The following HIP1R variants were observed in gnomAD, a reference collection of about 807,000 sequenced individuals.
HIP1R encodes huntingtin-interacting protein 1-related protein.
Under a neutral mutation model 144.2 loss-of-function variants are expected in HIP1R, and 135 were observed. The ratio of observed to expected loss-of-function variants is 0.94; its 90% CI spans 0.81 to 1.08. The LOEUF is 1.08. Among genes scored for constraint, HIP1R ranks in the 50% least tolerant of loss-of-function variants. HIP1R has a pLI of 0.00. For synonymous variants in HIP1R, 698 were observed against 612.8 expected (o/e 1.14, Z -2.05); for missense variants, 1,462 against 1,432.8 (o/e 1.02, Z -0.33).
In HIP1R at chr12:122,850,922, C is replaced by T. The variant is rs2033373933; in HGVS notation, c.515+11C>T. On this transcript the variant is annotated intron_variant, in intron 6 of 31. Transcript: ENST00000253083. ...CGATGTCAACAACATGTGAGTCACT[C>T]TGCATGGCTACATAGCCAGTTCCCC... 6.2e-7 allele frequency: 1 copy of T among 1,606,340 alleles called. No homozygotes were observed. The highest frequency in any genetic ancestry group is 8.5e-7 in the Non-Finnish European group (1 of 1,175,676).
intron 7 of HIP1R, chr12:122,853,666 T>G: frequency 5.6e-6 from 1 of 179,546 alleles, no homozygotes; most frequent in Non-Finnish European, 1.2e-5. Flanking sequence ...AGTTAGGCAT[T>G]TGGGGTGCTC....
chr12:122,835,052 T>C, upstream of HIP1R: 1 of 1,235,902 alleles, frequency 8.1e-7, no homozygotes, highest in Non-Finnish European at 1.1e-6. Context: ...CTGGGGTCCC[T>C]ACCCTGGGTG....
At chr12:122,851,579 A>ATTCCCAGCTAC (rs1387600953) in intron 7 of HIP1R, among the ~76,000 whole-genome samples, 1 of 152,036 alleles carries the variant, frequency 6.6e-6, no homozygotes, top group Non-Finnish European at 1.5e-5. Flanking sequence ...GCACGCCTGT[A>ATTCCCAGCTAC]TTCCCAGCTA....
At chr12:122,860,605 T>G in intron 27 of HIP1R, 74 bp from the exon 28 acceptor site, 2 of 1,532,408 alleles carry the variant, frequency 1.3e-6, no homozygotes, top group Non-Finnish European at 1.8e-6. Context: ...GTGCAGGGAG[T>G]AGAGGGGGTG....
intron 1 of HIP1R, among the ~76,000 whole-genome samples, chr12:122,846,100 G>A (rs1466482237): frequency 6.6e-6 from 1 of 152,190 alleles, no homozygotes; most frequent in Admixed American, 6.5e-5. Context: ...TGGGGATGGG[G>A]TTACACACCC....
chr12:122,838,401 A>G (rs1939403873), intron 1 of HIP1R, among the ~76,000 whole-genome samples: 1 of 152,190 alleles, frequency 6.6e-6, no homozygotes, highest in African/African-American at 2.4e-5. Context: ...ACAGAATACT[A>G]CAAAATACAG....
chr12:122,855,927 G>GCCAGGGCCCCTCACGGC, intron 13 of HIP1R, 24 bp downstream of exon 13: 1 of 1,565,134 alleles, frequency 6.4e-7, no homozygotes. Context: ...ATGGGTGGGG[G>GCCAGGGCCCCTCACGGC]CCAGGGCCCC....
At chr12:122,857,776 G>C (rs774613426) in intron 18 of HIP1R, 1 of 324,566 alleles carries the variant, frequency 3.1e-6, no homozygotes, top group Non-Finnish European at 5.6e-6. Context: ...AGCCATCCTA[G>C]TGGGTGTGGA....
intron 22 of HIP1R, 41 bp downstream of exon 22, chr12:122,859,238 G>GCCTCTGACCTCTGCACCCA (rs2033688626): frequency 6.5e-7 from 1 of 1,550,318 alleles, no homozygotes; most frequent in Non-Finnish European, 8.7e-7. Context: ...GCTTGGGCCT[G>GCCTCTGACCTCTGCACCCA]CCTCTGACCT....
intron 23 of HIP1R, 83 bp from the exon 24 acceptor site, chr12:122,859,689 G>A: frequency 6.6e-7 from 1 of 1,507,974 alleles, no homozygotes; most frequent in Non-Finnish European, 9.2e-7. Context: ...GGTCAGAGCT[G>A]AGAGGGCAGG....
Position 122,856,514 on chromosome 12 carries a change from A to C in HIP1R, c.1484A>C (p.Gln495Pro). 1 of 1,597,268 alleles carries C rather than the reference A, an allele frequency of 6.3e-7. No individual in the cohort carries two copies. Among genetic ancestry groups the C allele is most frequent in the Non-Finnish European group, 8.5e-7 (1 of 1,171,526 alleles). Residue 495 changes from glutamine to proline, a missense_variant, in exon 16 of 32, where the codon CAG (glutamine) becomes CCG (proline). By Grantham distance (76) the Gln-to-Pro change is moderately conservative. Transcript: ENST00000253083. ...CGGGTGAAGGAGCAGCTGGCCTTCC[A>C]GGTGGAGCAGGTGAAGCGGGAGTCG... ...VARVKEQLAF[Q>P]VEQVKRESEL...
At chr12:122,857,861 C>A in intron 18 of HIP1R, 1 of 413,456 alleles carries the variant, frequency 2.4e-6, no homozygotes, top group South Asian at 8.6e-5. Flanking sequence ...AGCTACCTGG[C>A]CATTTGTGTA....
At position 122,859,532 on chromosome 12, in the gene HIP1R, T is replaced by C. The variant is rs778366028; in HGVS notation, c.2402T>C (p.Ile801Thr). The C allele has an allele frequency of 6.2e-6, 10 of 1,610,338 alleles. No homozygotes were observed. The highest frequency in any genetic ancestry group is 3.3e-5 in the South Asian group (3 of 91,008). Residue 801 changes from isoleucine to threonine, a missense_variant, in exon 23 of 32, where the codon ATT becomes ACT. Ile to Thr is a moderately conservative substitution (Grantham distance 89). Coordinates refer to ENST00000253083, the MANE Select transcript of HIP1R (RefSeq NM_003959.3). ...GCCATTGAAGATGCTGTGCGGAGGA[T>C]TGAGGTGAGCACGGGATCTGGGGAC... ...SAAIEDAVRR[I>T]EDMMNQARHA... is the part of the protein sequence containing the mutation.
Position 122,848,794 on chromosome 12 carries a change from A to T in HIP1R, c.301-2A>T. 1 of 1,613,226 alleles carries T rather than the reference A, an allele frequency of 6.2e-7. No individual in the cohort carries two copies. Among genetic ancestry groups the T allele is most frequent in the Non-Finnish European group, 8.5e-7 (1 of 1,179,964 alleles). ...CCCACTCCCGTATTCCCTGCGCTGCAGGTGCTGCATGACTGCCAGCGGTAC... is the reference window on the plus strand; with the variant it reads ...CCCACTCCCGTATTCCCTGCGCTGCTGGTGCTGCATGACTGCCAGCGGTAC... On this transcript the variant is annotated splice_acceptor_variant, in intron 3 of 31. Transcript: ENST00000253083. LOFTEE classifies it high-confidence loss of function.
intron 24 of HIP1R, 107 bp downstream of exon 24, chr12:122,859,937 G>C (rs1593890880): frequency 6.8e-7 from 1 of 1,463,478 alleles, no homozygotes. Flanking sequence ...GCCTGGCTCA[G>C]AGCAGACACT....
Position 122,860,892 on chromosome 12 carries a change from C to T in HIP1R, c.2767-24C>T, listed in dbSNP as rs752369221. On this transcript the variant is annotated intron_variant, in intron 28 of 31. Transcript: ENST00000253083. ...CTGCCCTGAGCTGGGAGACCTGGGC[C>T]CACCCTGACCTCTCGCCCCTCAGGT... is the stretch of plus-strand genomic sequence containing the variant. 5 of 1,603,750 alleles carry T rather than the reference C, an allele frequency of 3.1e-6. No homozygotes were observed. In the Admixed American group the frequency reaches 8.6e-5, roughly 28 times the overall value.
rs2033612274 is a variant in HIP1R at position 122,857,196 on chromosome 12, A to G, written c.1796A>G (p.Gln599Arg). The G allele has an allele frequency of 6.4e-7, 1 of 1,550,418 alleles. No homozygotes were observed. Among genetic ancestry groups the G allele is most frequent in the Non-Finnish European group, 8.7e-7 (1 of 1,146,846 alleles). Reference protein sequence around the residue: ...QRSSQEQGELQGRLAERESQE... With the variant: ...QRSSQEQGELRGRLAERESQE... ...AGCTCCCAGGAGCAGGGCGAGTTGCAGGGCCGGCTGGCAGAGAGGGTATGG... is the reference window on the plus strand; with the variant it reads ...AGCTCCCAGGAGCAGGGCGAGTTGCGGGGCCGGCTGGCAGAGAGGGTATGG... Residue 599 changes from glutamine (Q) to arginine (R), a missense_variant, in exon 18 of 32, where the codon CAG becomes CGG. Physicochemically the swap from Gln to Arg is conservative, Grantham distance 43. This residue lies in a region of HIP1R where 1,112 missense variants were observed against 1,011.7 expected (regional missense o/e 1.10). Coordinates refer to ENST00000253083, the MANE Select transcript of HIP1R (RefSeq NM_003959.3).
intron 1 of HIP1R, among the ~76,000 whole-genome samples, chr12:122,846,140 G>A (rs1367661472): frequency 6.6e-6 from 1 of 152,188 alleles, no homozygotes; most frequent in East Asian, 1.9e-4. Context: ...CTTGTGACAG[G>A]ACAGCTGCTT....
chr12:122,848,474 C>T lies in HIP1R; in HGVS notation c.166C>T (p.Leu56=). 1.2e-6 allele frequency: 2 copies of T among 1,611,708 alleles called. No homozygotes were observed. The highest frequency in any genetic ancestry group is 1.3e-5 in the African/African-American group (1 of 75,046). Residue 56 remains leucine, a synonymous_variant, in exon 3 of 32, where the codon CTG becomes TTG. Coordinates refer to ENST00000253083, the MANE Select transcript of HIP1R (RefSeq NM_003959.3). ...VKEKHARRII[L]GTHHEKGAFT... Reference sequence around the variant, plus strand: ...TGGCCTTGACATTGCAGGCATCATTCTGGGCACACACCACGAGAAGGGGGC... The same window carrying T: ...TGGCCTTGACATTGCAGGCATCATTTTGGGCACACACCACGAGAAGGGGGC...
Sources: allele counts gnomAD v4.1 joint callset (sites outside exome capture counted in the v4.1 genomes callset), GRCh38; gene constraint gnomAD v4.1.1; regional missense constraint gnomAD v4.1.1; transcripts MANE v1.5; gene names NCBI Gene and HGNC (gene_info 2026-07-23, HGNC 2026-07-21).